The following DBX2 variants were observed in gnomAD, a reference collection of about 807,000 sequenced individuals.
The protein encoded by DBX2 is developing brain homeobox 2, also known as homeobox protein DBX2.
A neutral mutation model predicts 17.7 loss-of-function variants in DBX2; 16 were observed. The ratio of observed to expected loss-of-function variants is 0.90; its 90% confidence interval spans 0.61 to 1.37. The LOEUF (loss-of-function observed/expected upper bound fraction) is 1.37, where lower values mean the gene tolerates loss of function less well. Ranked by LOEUF, DBX2 falls within the 40% of genes most tolerant of loss-of-function variation. DBX2 has a pLI of 0.00. For missense variants in DBX2, 538 were observed against 433.8 expected (o/e 1.24, Z -2.13); for synonymous variants, 255 against 183.8 (o/e 1.39, Z -3.13).
At position 45,023,742 on chromosome 12, in the gene DBX2, T is replaced by A; in HGVS notation, c.652A>T (p.Lys218Ter). The change falls in exon 3 of 4, where the codon AAA becomes TAA. Residue 218 changes from lysine (K) to a stop codon, truncating the protein, a stop_gained. Coordinates refer to ENST00000332700, the MANE Select transcript of DBX2 (RefSeq NM_001004329.3). LOFTEE classifies it low-confidence loss of function (END_TRUNC). ...TTTAGTCCCAAGTTGATGGCAAGTT[T>A]CTTTCGGTCTGTTTTGCTGATATAT... ...QKYISKTDRK[K>*]LAINLGLKES... The A allele has an allele frequency of 6.2e-7, 1 of 1,614,192 alleles. No individual in the cohort carries two copies. Among genetic ancestry groups the A allele is most frequent in the Non-Finnish European group, 8.5e-7 (1 of 1,180,036 alleles).
chr12:45,023,994 A>T, intron 2 of DBX2, 100 bp from the exon 3 acceptor site: 1 of 1,168,760 alleles, frequency 8.6e-7, no homozygotes, highest in Non-Finnish European at 1.2e-6. Flanking sequence ...TACTATGGCC[A>T]AATGACCTCA....
chr12:45,043,449 G>A (rs1373859155), intron 1 of DBX2, among the ~76,000 whole-genome samples: 5 of 152,184 alleles, frequency 3.3e-5, no homozygotes, highest in African/African-American at 7.2e-5. Flanking sequence ...TGGAATGTGT[G>A]CTCTTGGTGT....
At chr12:45,016,704 C>G (rs1946325744) in intron 3 of DBX2, 86 bp from the exon 4 acceptor site, 1 of 1,328,776 alleles carries the variant, frequency 7.5e-7, no homozygotes, top group African/African-American at 1.5e-5. Flanking sequence ...TTCTACTATC[C>G]CTTCTACAGA....
At chr12:45,023,566 T>G (rs992404067) in intron 3 of DBX2, 141 bp downstream of exon 3, 1 of 1,033,318 alleles carries the variant, frequency 9.7e-7, no homozygotes, top group African/African-American at 1.6e-5. Context: ...GTATAAGAAA[T>G]ATTTGCTAAA....
At position 45,051,052 on chromosome 12, in the gene DBX2, C is replaced by CA; in HGVS notation, c.-126dup. Reference sequence around the variant, plus strand: ...CCCGCAGGGCTGGAGCGCGCGGAGCCAGGCAGGGAGGAAAGGCCACCCGGG... The same window carrying CA: ...CCCGCAGGGCTGGAGCGCGCGGAGCCAAGGCAGGGAGGAAAGGCCACCCGGG... On this transcript the variant is annotated 5_prime_UTR_variant, in exon 1 of 4. Transcript: ENST00000332700. 2 of 1,208,288 alleles carry CA rather than the reference C, an allele frequency of 1.7e-6. No homozygotes were observed. The highest frequency in any genetic ancestry group is 2.1e-6 in the Non-Finnish European group (2 of 954,268). The allele number at this position is 1,208,288 out of a possible 1,614,324, so 74.8% of individuals were successfully genotyped here.
At position 45,050,570 on chromosome 12, in the gene DBX2, G is replaced by T. The variant is rs1192927184; in HGVS notation, c.358C>A (p.Arg120=). 1.3e-6 allele frequency: 2 copies of T among 1,552,538 alleles called. No homozygotes were observed. The highest frequency in any genetic ancestry group is 2.4e-5 in the South Asian group (2 of 84,168). The part of the protein sequence containing the change: ...PSADSARLPG[R]APGDRDCTFQ... ...GTACAGTCTCGGTCCCCCGGAGCCC[G>T]GCCCGGCAGCCTCGCACTGTCCGCA... Residue 120 remains arginine (R), a synonymous_variant, in exon 1 of 4, where the codon CGG becomes AGG. Transcript: ENST00000332700.
chr12:45,031,223 T>TGAGAGAGA (rs1468770718), intron 2 of DBX2, among the ~76,000 whole-genome samples: 273 of 44,190 alleles, frequency 6.2e-3, no homozygotes, highest in Non-Finnish European at 8.7e-3. Context: ...TGTGTGTGTG[T>TGAGAGAGA]GTGAGAGAGA....
At chr12:45,019,427 T>C (rs1385417209) in intron 3 of DBX2, among the ~76,000 whole-genome samples, 2 of 152,108 alleles carry the variant, frequency 1.3e-5, no homozygotes, top group African/African-American at 4.8e-5. Flanking sequence ...GCATTGCCCA[T>C]GAGAGTGGCA....
rs1057204624 is a variant in DBX2 at position 45,043,220 on chromosome 12, G to A, written c.404-7106C>T. Among the ~76,000 whole-genome samples, 3 of 152,230 alleles carry A rather than the reference G, an allele frequency of 2.0e-5. No individual in the cohort carries two copies. In the South Asian group the frequency reaches 6.2e-4, roughly 32 times the overall value. ...TTATTTGGTACTCCTTCCATTGAAA[G>A]GTGAGGTCTGTTTCTTCTTCCTTTG... is the stretch of plus-strand genomic sequence containing the variant. On this transcript the variant is annotated intron_variant, in intron 1 of 3. Transcript: ENST00000332700.
At chr12:45,039,510 C>T (rs977131232) in intron 1 of DBX2, among the ~76,000 whole-genome samples, 1 of 151,202 alleles carries the variant, frequency 6.6e-6, no homozygotes, top group African/African-American at 2.4e-5. Flanking sequence ...CATTTCAAAC[C>T]CATCAGTGCC....
At chr12:45,043,385 G>C (rs1946482318) in intron 1 of DBX2, among the ~76,000 whole-genome samples, 1 of 152,164 alleles carries the variant, frequency 6.6e-6, no homozygotes, top group East Asian at 1.9e-4. Flanking sequence ...GGCTTCATAT[G>C]ACCTAGTATT....
chr12:45,016,383 C>T lies in DBX2; in HGVS notation c.923G>A (p.Gly308Glu), dbSNP rs772905962. Residue 308 changes from glycine (G) to glutamate (E), a missense_variant, in exon 4 of 4, where the codon GGG becomes GAG. By Grantham distance (98) the Gly-to-Glu change is moderately conservative. Coordinates refer to ENST00000332700, the MANE Select transcript of DBX2 (RefSeq NM_001004329.3). ...PSERLIQESSGAPPPEANSLQ... is the reference protein window; with the variant it reads ...PSERLIQESSEAPPPEANSLQ... The stretch of plus-strand genomic sequence containing the variant: ...TGAATTTGCTTCTGGGGGTGGTGCC[C>T]CTGAACTCTCCTGGATTAGTCTTTC... 1.2e-6 allele frequency: 2 copies of T among 1,613,832 alleles called. No homozygotes were observed. Among genetic ancestry groups the T allele is most frequent in the Non-Finnish European group, 1.7e-6 (2 of 1,179,914 alleles).
rs147067903 is a variant in DBX2 at position 45,037,187 on chromosome 12, T to A, written c.404-1073A>T. Among the ~76,000 whole-genome samples, 480 of 152,286 alleles carry A rather than the reference T, an allele frequency of 3.2e-3. 2 individuals are homozygous for A. The highest frequency in any genetic ancestry group is 0.011 in the African/African-American group (448 of 41,572). ...GCTATAAAGGATAAAACATGAATAA[T>A]AACTCTCCATTATTGAGCACTTACT... On this transcript the variant is annotated intron_variant, in intron 1 of 3. Transcript: ENST00000332700.
intron 2 of DBX2, 130 bp downstream of exon 2, chr12:45,035,889 C>T (rs1322634540): frequency 3.6e-6 from 3 of 824,478 alleles, no homozygotes; most frequent in African/African-American, 1.7e-5. Context: ...TGAATAAGAT[C>T]GCTGTGACTT....
intron 2 of DBX2, among the ~76,000 whole-genome samples, chr12:45,029,996 G>T (rs1946401085): frequency 1.3e-5 from 2 of 152,034 alleles, no homozygotes; most frequent in South Asian, 2.1e-4. Context: ...CCTGGATCCT[G>T]ACATGCTCCC....
chr12:45,050,979 C>T lies in DBX2; in HGVS notation c.-52G>A, dbSNP rs1946530982. ...CGCCCGCCTTGCGCCCGCCTGTCGCCCGGGCGCCCCGCACCGCACCCAGAG... is the reference window on the plus strand; with the variant it reads ...CGCCCGCCTTGCGCCCGCCTGTCGCTCGGGCGCCCCGCACCGCACCCAGAG... On this transcript the variant is annotated 5_prime_UTR_variant, in exon 1 of 4. Coordinates refer to ENST00000332700, the MANE Select transcript of DBX2 (RefSeq NM_001004329.3). The T allele has an allele frequency of 3.7e-6, 5 of 1,350,596 alleles. No individual in the cohort carries two copies. The highest frequency in any genetic ancestry group is 2.0e-5 in the South Asian group (1 of 49,434). 83.7% of individuals were successfully genotyped at this position (1,350,596 alleles called of 1,614,324 possible).
Position 45,050,756 on chromosome 12 carries a change from C to A in DBX2, c.172G>T (p.Ala58Ser). 6.7e-7 allele frequency: 1 copy of A among 1,502,284 alleles called. No individual in the cohort carries two copies. The highest frequency in any genetic ancestry group is 8.9e-7 in the Non-Finnish European group (1 of 1,126,638). The allele number at this position is 1,502,284 out of a possible 1,614,324, so 93.1% of individuals were successfully genotyped here. A position where few individuals can be genotyped will look rare whatever the true frequency, so the allele number is the denominator to read the frequency against. ...GAPTPRLQPP[A>S]PHDPATALAT... ...AGGGCGGTCGCCGGGTCGTGGGGCG[C>A]GGGCGGCTGCAGCCTGGGCGTTGGG... The change falls in exon 1 of 4, where the codon GCG (alanine) becomes TCG (serine). Residue 58 changes from alanine to serine, a missense_variant. Coordinates refer to ENST00000332700, the MANE Select transcript of DBX2 (RefSeq NM_001004329.3).
At chr12:45,046,137 T>C (rs543568467) in intron 1 of DBX2, among the ~76,000 whole-genome samples, 1 of 152,256 alleles carries the variant, frequency 6.6e-6, no homozygotes, top group East Asian at 1.9e-4. Flanking sequence ...GTTCTAATAG[T>C]CTCTTTTATT....
intron 1 of DBX2, among the ~76,000 whole-genome samples, chr12:45,047,538 T>C (rs111714935): frequency 6.6e-6 from 1 of 152,120 alleles, no homozygotes; most frequent in African/African-American, 2.4e-5. Context: ...TTTTCAGGGA[T>C]GAAGCACTGA....
Sources: gnomAD v4.1 joint callset for allele counts (sites outside exome capture counted in the v4.1 genomes callset) on GRCh38, gnomAD v4.1.1 for gene constraint, MANE v1.5 for transcripts, NCBI Gene and HGNC (gene_info 2026-07-23, HGNC 2026-07-21) for gene names.